The following CROCC variants were observed in gnomAD, a reference collection of about 807,000 sequenced individuals.
CROCC encodes the protein rootletin.
A neutral mutation model predicts 245.2 loss-of-function variants in CROCC; 180 were observed. That is an observed-to-expected ratio of 0.73 (90% confidence interval 0.65 to 0.83). CROCC has a LOEUF of 0.83. Among genes scored for constraint, CROCC ranks in the 40% least tolerant of loss-of-function variants. The probability of loss-of-function intolerance (pLI) is 0.00; values close to 1 mark genes in which losing one functional copy is unlikely to be tolerated. For synonymous variants in CROCC, 1,205 were observed against 1,241.6 expected (o/e 0.97, Z 0.62); for missense variants, 2,688 against 2,779.4 (o/e 0.97, Z 0.74).
At chr1:16,959,361 C>T (rs561652007) in intron 26 of CROCC, among the ~76,000 whole-genome samples, 8 of 152,228 alleles carry the variant, frequency 5.3e-5, no homozygotes, top group South Asian at 2.1e-4. Context: ...TCAGAGAGGT[C>T]GAGGGATCTA....
At chr1:16,946,711 C>T (rs762149547) in intron 16 of CROCC, 50 bp from the exon 17 acceptor site, 6 of 1,527,238 alleles carry the variant, frequency 3.9e-6, no homozygotes, top group South Asian at 1.2e-5. Flanking sequence ...GCGTCCTGGT[C>T]CTGGGAGGGA....
At chr1:16,937,787 C>T (rs1557597611) in intron 10 of CROCC, 50 bp downstream of exon 10, 1 of 1,501,044 alleles carries the variant, frequency 6.7e-7, no homozygotes, top group Non-Finnish European at 9.2e-7. Flanking sequence ...GGGGTACCGG[C>T]CAGATCCATG....
At chr1:16,917,105 C>T (rs1447585285), upstream of CROCC, among the ~76,000 whole-genome samples, 2 of 152,288 alleles carry the variant, frequency 1.3e-5, no homozygotes, top group African/African-American at 4.8e-5. Flanking sequence ...GTGACAGAGC[C>T]AGACTCCATC....
chr1:16,936,380 A>C (rs559077155), intron 8 of CROCC, among the ~76,000 whole-genome samples: 27 of 152,282 alleles, frequency 1.8e-4, no homozygotes, highest in African/African-American at 3.4e-4. Flanking sequence ...CAATTCTCCT[A>C]CCTCAGCCTC....
intron 15 of CROCC, among the ~76,000 whole-genome samples, chr1:16,945,941 A>C (rs3867302): frequency 3.3e-5 from 5 of 152,084 alleles, no homozygotes; most frequent in African/African-American, 9.7e-5. Context: ...GGTCCTTGGC[A>C]GGGGGGCCTG....
chr1:16,937,915 T>G (rs1210038980), intron 10 of CROCC, among the ~76,000 whole-genome samples, 178 bp downstream of exon 10: 1 of 152,248 alleles, frequency 6.6e-6, no homozygotes, highest in Non-Finnish European at 1.5e-5. Flanking sequence ...TCCCATTTCT[T>G]CCTCCCAGCA....
At chr1:16,925,530 T>A (rs138609368) in intron 3 of CROCC, among the ~76,000 whole-genome samples, 328 of 152,316 alleles carry the variant, frequency 2.2e-3, no homozygotes, top group Non-Finnish European at 3.9e-3. Flanking sequence ...GAAGAGACAC[T>A]GGGCTAGGGA....
In CROCC at chr1:16,960,976, C is replaced by T. The variant is rs777172075; in HGVS notation, c.4251C>T (p.Ala1417=). Residue 1417 remains alanine, a synonymous_variant, in exon 27 of 37, where the codon GCC becomes GCT. Transcript: ENST00000375541. ...AGGGCCGGGCACAAGGCCTGGAGGC[C>T]GAGCTGGCCCGCGTGGAGGTGCAGC... ...AAEGRAQGLE[A]ELARVEVQRR... 1.1e-4 allele frequency: 150 copies of T among 1,348,240 alleles called. 2 individuals carry two copies. The Middle Eastern group carries it at 1.4e-3, about 12-fold the overall frequency. The allele number at this position is 1,348,240 out of a possible 1,614,324, so 83.5% of individuals were successfully genotyped here.
At chr1:16,963,643 G>C (rs1290574978) in intron 27 of CROCC, among the ~76,000 whole-genome samples, 1 of 152,082 alleles carries the variant, frequency 6.6e-6, no homozygotes, top group African/African-American at 2.4e-5. Context: ...CAGTTCCAGT[G>C]CCAGCCTCCA....
At chr1:16,961,407 G>C (rs977356246) in intron 27 of CROCC, among the ~76,000 whole-genome samples, 1 of 151,930 alleles carries the variant, frequency 6.6e-6, no homozygotes, top group Non-Finnish European at 1.5e-5. Flanking sequence ...CTGAGTAGCT[G>C]GGACTACAGG....
chr1:16,966,022 T>A lies in CROCC; in HGVS notation c.4599T>A (p.Ser1533Arg), dbSNP rs201628872. The A allele has an allele frequency of 6.2e-7, 1 of 1,613,774 alleles. No homozygotes were observed. Among genetic ancestry groups the A allele is most frequent in the East Asian group, 2.2e-5 (1 of 44,876 alleles). ...RERDELRTQT[S>R]ALNRQLAEME... The stretch of plus-strand genomic sequence containing the variant: ...AGGACGAACTTCGGACCCAGACCAG[T>A]GCCCTGAATCGCCAGCTGGCCGAGA... The change falls in exon 29 of 37, where the codon AGT (serine) becomes AGA (arginine). Residue 1533 changes from serine to arginine, a missense_variant. Transcript: ENST00000375541. The surrounding 1 kb of genome is among the most constrained non-coding windows in gnomAD (Gnocchi z 4.8).
chr1:16,968,545 A>G, intron 31 of CROCC, 127 bp downstream of exon 31: 1 of 994,544 alleles, frequency 1.0e-6, no homozygotes, highest in Non-Finnish European at 1.4e-6. Flanking sequence ...TCACAGATGG[A>G]CAAATGGAGG....
At chr1:16,960,053 G>C (rs1286927263) in intron 26 of CROCC, among the ~76,000 whole-genome samples, 2 of 152,054 alleles carry the variant, frequency 1.3e-5, no homozygotes, top group Non-Finnish European at 2.9e-5. Context: ...GATCACTTGA[G>C]GCCAGGAGTT....
intron 2 of CROCC, among the ~76,000 whole-genome samples, chr1:16,923,349 T>C (rs2075452410): frequency 6.6e-6 from 1 of 152,244 alleles, no homozygotes; most frequent in African/African-American, 2.4e-5. Flanking sequence ...TGTGTTCAAC[T>C]CCCAAGCTAC....
chr1:16,971,065 G>GGC (rs2076509167), intron 35 of CROCC: 2 of 445,518 alleles, frequency 4.5e-6, no homozygotes, highest in East Asian at 7.0e-5. Context: ...TGCATGGTGT[G>GGC]GCGTGTCTAG....
chr1:16,956,263 T>C (rs990723971), intron 25 of CROCC, 107 bp downstream of exon 25: 50 of 1,217,992 alleles, frequency 4.1e-5, no homozygotes, highest in African/African-American at 9.2e-5. Flanking sequence ...ACCAGGGGCT[T>C]GAACTATGAC....
At chr1:16,946,665 C>T in intron 16 of CROCC, 96 bp from the exon 17 acceptor site, 1 of 1,331,452 alleles carries the variant, frequency 7.5e-7, no homozygotes, top group Non-Finnish European at 1.0e-6. Flanking sequence ...TGGGAGCCTC[C>T]CCTGGGCTAT....
intron 8 of CROCC, among the ~76,000 whole-genome samples, chr1:16,932,962 C>A (rs562699967): frequency 6.6e-6 from 1 of 152,402 alleles, no homozygotes; most frequent in African/African-American, 2.4e-5. Context: ...CAGGTGCATG[C>A]CACCAGGCTT....
Position 16,965,729 on chromosome 1 carries a change from G to A in CROCC, c.4412G>A (p.Gly1471Glu). The change falls in exon 28 of 37, where the codon GGG becomes GAG. Residue 1471 changes from glycine (G) to glutamate (E), a missense_variant. By Grantham distance (98) the Gly-to-Glu change is moderately conservative (BLOSUM62 -2). Transcript: ENST00000375541. ...PARDAPAEGS[G>E]EGLNSPSTLE... ...AGTCTTCTTTCTCTTCTAGGAAGCGGGGAAGGGCTCAACAGCCCCAGCACC... is the reference window on the plus strand; with the variant it reads ...AGTCTTCTTTCTCTTCTAGGAAGCGAGGAAGGGCTCAACAGCCCCAGCACC... The A allele has an allele frequency of 6.2e-7, 1 of 1,607,848 alleles. No individual in the cohort carries two copies. The highest frequency in any genetic ancestry group is 8.5e-7 in the Non-Finnish European group (1 of 1,174,844).
Sources: allele counts gnomAD v4.1 joint callset (sites outside exome capture counted in the v4.1 genomes callset), GRCh38; gene constraint gnomAD v4.1.1; non-coding constraint Gnocchi (gnomAD v3.1); transcripts MANE v1.5; gene names NCBI Gene and HGNC (gene_info 2026-07-23, HGNC 2026-07-21).